PARD3B: variants seen among roughly 807,000 people sequenced by gnomAD.
PARD3B encodes par-3 family cell polarity regulator beta.
PARD3B carries 103 observed loss-of-function variants against 130.2 expected under a neutral mutation model. The ratio of observed to expected loss-of-function variants is 0.79; its 90% CI spans 0.67 to 0.93. The LOEUF is 0.93. Among genes scored for constraint, PARD3B ranks in the 40% least tolerant of loss-of-function variants. The pLI, the probability that PARD3B is intolerant of heterozygous loss-of-function variation, is 0.00. For synonymous variants in PARD3B, 583 were observed against 553.2 expected, an observed-to-expected ratio of 1.05 and a Z score of -0.76; for missense variants, 1,609 against 1,499.2, an observed-to-expected ratio of 1.07 and a Z score of -1.21.
chr2:205,206,006 G>A (rs2037273067), intron 15 of PARD3B, among the ~76,000 whole-genome samples: 1 of 152,114 alleles, frequency 6.6e-6, no homozygotes, highest in Non-Finnish European at 1.5e-5. Context: ...GTTTGGAATA[G>A]TTTCAGAAGG....
intron 4 of PARD3B, among the ~76,000 whole-genome samples, chr2:205,060,345 G>A (rs953205025): frequency 8.5e-5 from 13 of 152,120 alleles, no homozygotes; most frequent in Non-Finnish European, 1.8e-4. Context: ...ATACCTCTGT[G>A]AAGGAGAAAA....
At chr2:204,823,870 G>T (rs1262207641) in intron 2 of PARD3B, among the ~76,000 whole-genome samples, 1 of 150,574 alleles carries the variant, frequency 6.6e-6, no homozygotes, top group Non-Finnish European at 1.5e-5. Context: ...AGTCCAGGAG[G>T]CAGAGGTTGC....
chr2:205,127,284 G>C (rs868608414), intron 10 of PARD3B, among the ~76,000 whole-genome samples: 1 of 122,044 alleles, frequency 8.2e-6, no homozygotes, highest in Non-Finnish European at 1.6e-5. Context: ...GCAACAGAAC[G>C]AGACTCTGTC....
At position 205,130,092 on chromosome 2, in the gene PARD3B, AG is replaced by A. The variant is rs1348375907; in HGVS notation, c.1434+4358del. Among the ~76,000 whole-genome samples the A allele has an allele frequency of 1.4e-4, 22 of 152,328 alleles. 1 individual carries two copies. Among genetic ancestry groups the A allele is most frequent in the African/African-American group, 4.8e-4 (20 of 41,586 alleles). On this transcript the variant is annotated intron_variant, in intron 10 of 22. Coordinates refer to ENST00000406610, the MANE Select transcript of PARD3B (RefSeq NM_001302769.2). ...TGTTTCTAGTATCTTTACCAAAAGA[AG>A]GGTATTTCAAAGATAATCTTTCCAG... is the stretch of plus-strand genomic sequence containing the variant.
rs932757304 is a variant in PARD3B at position 204,992,577 on chromosome 2, A to G, written c.394+27254A>G. Among the ~76,000 whole-genome samples the G allele has an allele frequency of 2.2e-5, 3 of 134,278 alleles. 1 individual carries two copies. The highest frequency in any genetic ancestry group is 8.4e-5 in the African/African-American group (3 of 35,684). 88.1% of individuals were successfully genotyped at this position (134,278 alleles called of 152,430 possible). On this transcript the variant is annotated intron_variant, in intron 3 of 22. Coordinates refer to ENST00000406610, the MANE Select transcript of PARD3B (RefSeq NM_001302769.2). ...GCGATGCGGGCTCTTTTTTGGTTCCATATGAACTTTAAAGTAGTTTTTTCC... is the reference window on the plus strand; with the variant it reads ...GCGATGCGGGCTCTTTTTTGGTTCCGTATGAACTTTAAAGTAGTTTTTTCC...
chr2:205,275,184 A>G (rs1017679184), intron 16 of PARD3B, among the ~76,000 whole-genome samples: 1 of 151,908 alleles, frequency 6.6e-6, no homozygotes. Context: ...GCCCTGTTGA[A>G]CGGGAAAAAT....
intron 10 of PARD3B, among the ~76,000 whole-genome samples, chr2:205,156,283 GA>G (rs1477688165): frequency 1.4e-5 from 2 of 147,954 alleles, no homozygotes; most frequent in Admixed American, 6.7e-5. Context: ...GGGGGGGGAG[GA>G]ATAGCATTAG....
Position 205,084,557 on chromosome 2 carries a change from TAAAC to T in PARD3B, c.505-19867_505-19864del, listed in dbSNP as rs58401326. Among the ~76,000 whole-genome samples the T allele has an allele frequency of 5.0e-3, 759 of 152,196 alleles. 9 individuals are homozygous for T. Among genetic ancestry groups the T allele is most frequent in the African/African-American group, 0.017 (713 of 41,578 alleles). ...CTATTGCAATCGTTCTCTTTTAAAATAAACATTTAATTTTTAAAATGTTGTTATG... is the reference window on the plus strand; with the variant it reads ...CTATTGCAATCGTTCTCTTTTAAAATATTTAATTTTTAAAATGTTGTTATG... On this transcript the variant is annotated intron_variant, in intron 4 of 22. Transcript: ENST00000406610.
chr2:204,968,519 C>T (rs1418211917), intron 3 of PARD3B, among the ~76,000 whole-genome samples: 1 of 152,198 alleles, frequency 6.6e-6, no homozygotes, highest in African/African-American at 2.4e-5. Flanking sequence ...TTATTGCTGG[C>T]CAGTCTTTCA....
chr2:205,378,587 A>G (rs567463323), intron 18 of PARD3B, among the ~76,000 whole-genome samples: 2 of 151,144 alleles, frequency 1.3e-5, no homozygotes, highest in South Asian at 4.2e-4. Context: ...CAGCTTCACC[A>G]TGCTCCCAGG....
At chr2:204,805,933 A>G (rs185180764) in intron 2 of PARD3B, among the ~76,000 whole-genome samples, 216 of 152,216 alleles carry the variant, frequency 1.4e-3, no homozygotes, top group Non-Finnish European at 2.5e-3. Flanking sequence ...AAAGCCACAT[A>G]TGGCAGACCC....
intron 3 of PARD3B, among the ~76,000 whole-genome samples, chr2:204,971,389 C>A (rs966256103): frequency 6.6e-6 from 1 of 152,138 alleles, no homozygotes; most frequent in East Asian, 1.9e-4. Context: ...ATTCTGACTA[C>A]AAAGCATATA....
intron 15 of PARD3B, among the ~76,000 whole-genome samples, chr2:205,236,762 T>A (rs1559572226): frequency 6.6e-6 from 1 of 152,132 alleles, no homozygotes; most frequent in Non-Finnish European, 1.5e-5. Flanking sequence ...CATAACCATA[T>A]GATCATATGG....
Position 205,042,910 on chromosome 2 carries a change from A to G in PARD3B, c.395-4671A>G, listed in dbSNP as rs1250424379. ...AAAAAACCCAGCAAGCAGTTCTATA[A>G]GAATTTATGCTTTAAAATACTGAAC... is the stretch of plus-strand genomic sequence containing the variant. On this transcript the variant is annotated intron_variant, in intron 3 of 22. Coordinates refer to ENST00000406610, the MANE Select transcript of PARD3B (RefSeq NM_001302769.2). 2.0e-5 allele frequency among the ~76,000 whole-genome samples: 3 copies of G among 151,284 alleles called. No individual in the cohort carries two copies. The East Asian group carries it at 5.8e-4, about 29-fold the overall frequency.
At chr2:204,932,569 G>A (rs1180085897) in intron 2 of PARD3B, among the ~76,000 whole-genome samples, 1 of 152,010 alleles carries the variant, frequency 6.6e-6, no homozygotes, top group Non-Finnish European at 1.5e-5. Flanking sequence ...GATTCAAAAT[G>A]CAAAAAGGGA....
intron 2 of PARD3B, among the ~76,000 whole-genome samples, chr2:204,732,080 GTGGT>G (rs2039532989): frequency 1.3e-5 from 1 of 78,998 alleles, no homozygotes; most frequent in African/African-American, 3.8e-5. Context: ...GAAAATAATT[GTGGT>G]TTTTTTTTTT....
intron 2 of PARD3B, among the ~76,000 whole-genome samples, chr2:204,790,271 C>T (rs116462191): frequency 2.0e-5 from 3 of 152,164 alleles, no homozygotes; most frequent in Non-Finnish European, 4.4e-5. Flanking sequence ...CAGTTAAAAA[C>T]AAGATAGTCA....
chr2:204,744,301 C>T (rs1299012325), intron 2 of PARD3B, among the ~76,000 whole-genome samples: 1 of 152,116 alleles, frequency 6.6e-6, no homozygotes. Context: ...TGTGGACCCT[C>T]AGGAACCTTG....
chr2:204,758,826 G>C (rs1369697337), intron 2 of PARD3B, among the ~76,000 whole-genome samples: 1 of 152,130 alleles, frequency 6.6e-6, no homozygotes, highest in Non-Finnish European at 1.5e-5. Flanking sequence ...TTCTTCCAGT[G>C]AGATACCATC....
Sources: gnomAD v4.1 joint callset for allele counts (sites outside exome capture counted in the v4.1 genomes callset) on GRCh38, gnomAD v4.1.1 for gene constraint, MANE v1.5 for transcripts, NCBI Gene and HGNC (gene_info 2026-07-23, HGNC 2026-07-21) for gene names.